HPSE2: variants seen among roughly 807,000 people sequenced by gnomAD.
The protein encoded by HPSE2 is inactive heparanase-2.
HPSE2 carries 38 observed loss-of-function variants against 60.5 expected under a neutral mutation model. The observed-to-expected ratio is 0.63, with a 90% CI of 0.48 to 0.82. The LOEUF is 0.82. HPSE2 is among the 40% of genes least tolerant of loss of function. The pLI is 0.00. For missense variants in HPSE2, 713 were observed against 740.4 expected (o/e 0.96, Z 0.43); for synonymous variants, 295 against 293.2 (o/e 1.01, Z -0.06).
At chr10:99,011,506 C>T (rs1167507686) in intron 3 of HPSE2, among the ~76,000 whole-genome samples, 1 of 151,810 alleles carries the variant, frequency 6.6e-6, no homozygotes, top group Non-Finnish European at 1.5e-5. Flanking sequence ...GCCTGTAATC[C>T]CAGCACTTTG....
intron 5 of HPSE2, among the ~76,000 whole-genome samples, chr10:98,716,947 G>C (rs1222006824): frequency 1.3e-5 from 2 of 151,940 alleles, no homozygotes; most frequent in Non-Finnish European, 2.9e-5. Flanking sequence ...ATAATTCATA[G>C]AGACCCTACG....
chr10:98,999,156 CGTGTGTGTGTGTGTGT>C (rs55879808), intron 3 of HPSE2, among the ~76,000 whole-genome samples: 17 of 137,682 alleles, frequency 1.2e-4, no homozygotes, highest in Non-Finnish European at 1.9e-4. Context: ...GTATAGACTA[CGTGTGTGTGTGTGTGT>C]GTGTGTGTGT....
chr10:99,246,414 T>A, the HPSE2 span, among the ~76,000 whole-genome samples: 1 of 152,190 alleles, frequency 6.6e-6, no homozygotes, highest in African/African-American at 2.4e-5. Flanking sequence ...AAAAATGTGG[T>A]GAAAGGTGCT....
chr10:98,709,216 A>T (rs1948619445), intron 5 of HPSE2, among the ~76,000 whole-genome samples: 1 of 152,202 alleles, frequency 6.6e-6, no homozygotes, highest in South Asian at 2.1e-4. Flanking sequence ...CAACAGTAAT[A>T]TTAGAGGTGG....
chr10:99,291,471 C>G, the HPSE2 span, among the ~76,000 whole-genome samples: 8 of 151,612 alleles, frequency 5.3e-5, no homozygotes, highest in Non-Finnish European at 8.8e-5. Flanking sequence ...GTAGTCCCAT[C>G]TACTTGGGAG....
Position 98,657,212 on chromosome 10 carries a change from C to CA in HPSE2, c.1005-15273dup, listed in dbSNP as rs57694497. 1.4e-4 allele frequency among the ~76,000 whole-genome samples: 20 copies of CA among 138,812 alleles called. 2 individuals carry two copies. Among genetic ancestry groups the CA allele is most frequent in the African/African-American group, 3.4e-4 (13 of 38,198 alleles). The allele number at this position is 138,812 out of a possible 152,430, so 91.1% of individuals were successfully genotyped here. On this transcript the variant is annotated intron_variant, in intron 6 of 11. Transcript: ENST00000370552. Reference sequence around the variant, plus strand: ...AGAAGAGAGGTTGAGAGAAGCTGTGCAAAAAAAAAAAGCATTCAATAATTC... The same window carrying CA: ...AGAAGAGAGGTTGAGAGAAGCTGTGCAAAAAAAAAAAAGCATTCAATAATTC...
chr10:99,022,373 G>A (rs1957282128), intron 3 of HPSE2, among the ~76,000 whole-genome samples: 1 of 152,070 alleles, frequency 6.6e-6, no homozygotes, highest in Admixed American at 6.6e-5. Context: ...TGCCAGGGAG[G>A]GCTACAGCAC....
chr10:98,609,384 T>C (rs1383138815), intron 9 of HPSE2, among the ~76,000 whole-genome samples: 1 of 152,140 alleles, frequency 6.6e-6, no homozygotes, highest in Non-Finnish European at 1.5e-5. Flanking sequence ...AAGTGAACAT[T>C]TGCATAGTTA....
chr10:98,461,852 A>G (rs1434182796), intron 11 of HPSE2: 2 of 1,489,004 alleles, frequency 1.3e-6, no homozygotes, highest in South Asian at 2.4e-5. Context: ...TGATTAGCAA[A>G]CCTTTAAAAA....
At chr10:98,460,306 G>A (rs1940231866) in intron 11 of HPSE2, among the ~76,000 whole-genome samples, 1 of 152,132 alleles carries the variant, frequency 6.6e-6, no homozygotes, top group African/African-American at 2.4e-5. Context: ...CAGAGACATA[G>A]GTAACACCTC....
chr10:99,305,973 G>GCACACA, the HPSE2 span, among the ~76,000 whole-genome samples: 405 of 44,024 alleles, frequency 9.2e-3, 3 homozygotes, highest in Middle Eastern at 0.011. Flanking sequence ...GCGCGCGCGC[G>GCACACA]CGCGCGCACA....
intron 6 of HPSE2, among the ~76,000 whole-genome samples, chr10:98,691,038 C>CT (rs913817573): frequency 7.2e-5 from 11 of 152,114 alleles, no homozygotes; most frequent in African/African-American, 1.2e-4. Flanking sequence ...CTCCCCCAGC[C>CT]TTTTTTTACT....
chr10:98,671,524 A>T (rs1254857568), intron 6 of HPSE2, among the ~76,000 whole-genome samples: 2 of 5,414 alleles, frequency 3.7e-4, no homozygotes, highest in East Asian at 0.12. Flanking sequence ...GCGTTCACTT[A>T]TCAACTAAGA....
chr10:98,710,695 G>A (rs1948654990), intron 5 of HPSE2, among the ~76,000 whole-genome samples: 1 of 152,176 alleles, frequency 6.6e-6, no homozygotes, highest in African/African-American at 2.4e-5. Flanking sequence ...AAGAAACTGT[G>A]CTCAAGATCA....
intron 3 of HPSE2, among the ~76,000 whole-genome samples, chr10:98,910,257 T>A (rs1399761417): frequency 6.6e-6 from 1 of 152,176 alleles, no homozygotes; most frequent in Non-Finnish European, 1.5e-5. Flanking sequence ...AAGACAGAGC[T>A]GCTTTGTTAG....
intron 3 of HPSE2, among the ~76,000 whole-genome samples, chr10:98,922,046 AACC>A (rs1393377635): frequency 6.6e-6 from 1 of 152,236 alleles, no homozygotes; most frequent in Non-Finnish European, 1.5e-5. Context: ...ATTTTCTACT[AACC>A]ACAAGAAGAA....
At chr10:98,830,163 C>G (rs932036518) in intron 3 of HPSE2, among the ~76,000 whole-genome samples, 4 of 152,180 alleles carry the variant, frequency 2.6e-5, no homozygotes, top group Non-Finnish European at 4.4e-5. Flanking sequence ...AATACTATTG[C>G]CTACTATGTT....
Position 99,207,667 on chromosome 10 carries a change from T to G in HPSE2, c.448+24681A>C, listed in dbSNP as rs1848804450. Among the ~76,000 whole-genome samples, 3 of 152,072 alleles carry G rather than the reference T, an allele frequency of 2.0e-5. No homozygotes were observed. In the South Asian group the frequency reaches 6.2e-4, roughly 32 times the overall value. On this transcript the variant is annotated intron_variant, in intron 2 of 11. Coordinates refer to ENST00000370552, the MANE Select transcript of HPSE2 (RefSeq NM_021828.5). Reference sequence around the variant, plus strand: ...ATTGTGACATCATAAACATAACATGTGGAGGGAGTAGAGTGAAGGTGTTGA... The same window carrying G: ...ATTGTGACATCATAAACATAACATGGGGAGGGAGTAGAGTGAAGGTGTTGA...
chr10:99,244,775 C>T, the HPSE2 span, among the ~76,000 whole-genome samples: 1 of 151,828 alleles, frequency 6.6e-6, no homozygotes, highest in Non-Finnish European at 1.5e-5. Context: ...GAAGGCTTAC[C>T]ACTGATTCAT....
Sources: allele counts gnomAD v4.1 joint callset (sites outside exome capture counted in the v4.1 genomes callset), GRCh38; gene constraint gnomAD v4.1.1; transcripts MANE v1.5; gene names NCBI Gene and HGNC (gene_info 2026-07-23, HGNC 2026-07-21).